WDR70: variants seen among roughly 807,000 people sequenced by gnomAD.
WDR70 encodes WD repeat-containing protein 70.
A neutral mutation model predicts 88.6 loss-of-function variants in WDR70; 53 were observed. That is an observed-to-expected ratio of 0.60 (90% confidence interval 0.48 to 0.75). The LOEUF (loss-of-function observed/expected upper bound fraction) is 0.75, where lower values mean the gene tolerates loss of function less well. WDR70 is among the 30% of genes least tolerant of loss of function. The pLI is 0.00. For synonymous variants in WDR70, 280 were observed against 270.0 expected (o/e 1.04, Z -0.36); for missense variants, 610 against 823.2 (o/e 0.74, Z 3.17).
At chr5:37,721,803 A>T (rs970610411) in intron 14 of WDR70, 1 of 152,448 alleles carries the variant, frequency 6.6e-6, no homozygotes, top group Non-Finnish European at 1.5e-5. Flanking sequence ...TTGCTTAGGC[A>T]CAAAGATGGA....
chr5:37,412,507 G>A (rs1389767954), intron 5 of WDR70, among the ~76,000 whole-genome samples: 15 of 151,888 alleles, frequency 9.9e-5, no homozygotes, highest in African/African-American at 3.4e-4. Context: ...GAAACTTTAG[G>A]ATTACTGAGG....
chr5:37,554,164 CA>C (rs1262288096), intron 9 of WDR70, among the ~76,000 whole-genome samples: 1 of 148,674 alleles, frequency 6.7e-6, no homozygotes, highest in Admixed American at 6.8e-5. Context: ...CCAGCATTAC[CA>C]AAGACAGCTA....
At chr5:37,431,066 C>T (rs577887913) in intron 5 of WDR70, among the ~76,000 whole-genome samples, 4 of 152,224 alleles carry the variant, frequency 2.6e-5, no homozygotes, top group Admixed American at 2.6e-4. Context: ...GTTGGCTAGG[C>T]TGGTCTGGAA....
chr5:37,689,048 C>CTCTCCTGTGCCTGGCTT (rs1561072210), intron 10 of WDR70, among the ~76,000 whole-genome samples: 9 of 152,170 alleles, frequency 5.9e-5, no homozygotes, highest in African/African-American at 2.2e-4. Flanking sequence ...GTGCCTGGCT[C>CTCTCCTGTGCCTGGCTT]GGCGGGTCCC....
chr5:37,686,577 A>G (rs1746606128), intron 10 of WDR70, among the ~76,000 whole-genome samples: 1 of 151,236 alleles, frequency 6.6e-6, no homozygotes, highest in South Asian at 2.1e-4. Flanking sequence ...CTACAAAATA[A>G]AAGTATAAAA....
intron 6 of WDR70, 87 bp downstream of exon 6, chr5:37,438,068 C>A: frequency 1.8e-6 from 2 of 1,099,478 alleles, no homozygotes; most frequent in Admixed American, 2.6e-5. Context: ...TGTATTAAGG[C>A]TAATTATACA....
At chr5:37,681,700 G>A (rs1306873981) in intron 10 of WDR70, among the ~76,000 whole-genome samples, 2 of 151,948 alleles carry the variant, frequency 1.3e-5, no homozygotes, top group Admixed American at 1.3e-4. Context: ...GTGGTTTTGT[G>A]TTTAGTTCTG....
rs560115522 is a variant in WDR70, at chr5:37,379,747, T to C, written c.91+193T>C. Among the ~76,000 whole-genome samples, 60 of 8,346 alleles carry C rather than the reference T, an allele frequency of 7.2e-3. No individual in the cohort carries two copies. In the South Asian group the frequency reaches 0.48, roughly 66 times the overall value. 5.5% of individuals were successfully genotyped at this position (8,346 alleles called of 152,430 possible). On this transcript the variant is annotated intron_variant, in intron 2 of 17. Coordinates refer to ENST00000265107, the MANE Select transcript of WDR70 (RefSeq NM_018034.4). ...TTGGAACCAACTCAGATGACAGTTA[T>C]GAGAGTCTGGAGAGAGAGGAAGAGA...
chr5:37,714,483 A>G (rs575531848), intron 13 of WDR70, among the ~76,000 whole-genome samples: 1 of 151,786 alleles, frequency 6.6e-6, no homozygotes, highest in Non-Finnish European at 1.5e-5. Flanking sequence ...AAATGATAAT[A>G]TGTCATATAA....
At chr5:37,587,778 CTTT>C (rs55980790) in intron 9 of WDR70, among the ~76,000 whole-genome samples, 62 of 122,712 alleles carry the variant, frequency 5.1e-4, no homozygotes, top group Non-Finnish European at 4.7e-4. Context: ...AAGCCCTATT[CTTT>C]TTTTTTTTTT....
intron 8 of WDR70, chr5:37,506,173 C>G (rs1269485218): frequency 9.6e-7 from 1 of 1,042,010 alleles, no homozygotes; most frequent in Non-Finnish European, 1.5e-6. Context: ...CGAGAAACAT[C>G]AGCACCACTG....
chr5:37,463,146 C>T (rs1267732771), intron 7 of WDR70, among the ~76,000 whole-genome samples: 1 of 152,078 alleles, frequency 6.6e-6, no homozygotes, highest in African/African-American at 2.4e-5. Flanking sequence ...GTGGCACGCA[C>T]CTGTAATCCC....
intron 7 of WDR70, among the ~76,000 whole-genome samples, chr5:37,472,865 T>C (rs1031585813): frequency 1.3e-5 from 2 of 152,108 alleles, no homozygotes; most frequent in African/African-American, 4.8e-5. Context: ...TTGAACGTTT[T>C]TGTATGAGCC....
chr5:37,687,996 A>G lies in WDR70; in HGVS notation c.1093-9659A>G, dbSNP rs770409334. 9 of 672,888 alleles carry G rather than the reference A, an allele frequency of 1.3e-5. 1 individual carries two copies. Among genetic ancestry groups the G allele is most frequent in the South Asian group, 1.1e-4 (7 of 61,486 alleles). The allele number at this position is 672,888 out of a possible 1,614,324, so 41.7% of individuals were successfully genotyped here. On this transcript the variant is annotated intron_variant, in intron 10 of 17. Coordinates refer to ENST00000265107, the MANE Select transcript of WDR70 (RefSeq NM_018034.4). ...GTGTGATGTGAATCCACTGGACTCT[A>G]TAACTTTTAAGGTTCTTTATCTCAC... is the stretch of plus-strand genomic sequence containing the variant.
At chr5:37,396,109 C>T (rs536648095) in intron 4 of WDR70, among the ~76,000 whole-genome samples, 2 of 152,266 alleles carry the variant, frequency 1.3e-5, no homozygotes, top group African/African-American at 4.8e-5. Flanking sequence ...TCACCTGTCT[C>T]TTTATGAGTG....
intron 10 of WDR70, among the ~76,000 whole-genome samples, chr5:37,664,164 C>A (rs751867160): frequency 2.6e-5 from 4 of 152,180 alleles, no homozygotes; most frequent in African/African-American, 4.8e-5. Flanking sequence ...TCCTCCCTGT[C>A]TTCAGTCTTC....
chr5:37,382,498 A>C (rs1581237551), intron 3 of WDR70, among the ~76,000 whole-genome samples: 1 of 149,508 alleles, frequency 6.7e-6, no homozygotes, highest in African/African-American at 2.5e-5. Context: ...TGCAACTTCT[A>C]CCTCCCCGGT....
intron 9 of WDR70, among the ~76,000 whole-genome samples, chr5:37,590,851 C>T (rs79288414): frequency 0.048 from 7,368 of 151,992 alleles, 588 homozygotes; most frequent in African/African-American, 0.16. Context: ...AAGATTCAAC[C>T]TTAAGAAACT....
At chr5:37,642,182 C>T (rs1745122353) in intron 10 of WDR70, among the ~76,000 whole-genome samples, 3 of 152,204 alleles carry the variant, frequency 2.0e-5, no homozygotes, top group Admixed American at 2.0e-4. Context: ...TCTCTTAGCC[C>T]TCTGATACCA....
Sources: allele counts gnomAD v4.1 joint callset (sites outside exome capture counted in the v4.1 genomes callset), GRCh38; gene constraint gnomAD v4.1.1; transcripts MANE v1.5; gene names NCBI Gene and HGNC (gene_info 2026-07-23, HGNC 2026-07-21).